Variants in PLCD1 observed in about 807,000 individuals in gnomAD.
The protein encoded by PLCD1 is phospholipase C delta 1, also known as 1-phosphatidylinositol 4,5-bisphosphate phosphodiesterase delta-1.
PLCD1 carries 71 observed loss-of-function variants against 87.4 expected under a neutral mutation model. The observed-to-expected ratio is 0.81, with a 90% CI of 0.67 to 0.99. The LOEUF is 0.99. Ranked by LOEUF, PLCD1 falls within the 50% of genes least tolerant of loss-of-function variation. PLCD1 has a pLI of 0.00. For synonymous variants in PLCD1, 348 were observed against 399.2 expected (o/e 0.87, Z 1.53); for missense variants, 867 against 1,001.5 (o/e 0.87, Z 1.81).
intron 1 of PLCD1, among the ~76,000 whole-genome samples, chr3:38,028,174 C>G (rs758427232): frequency 5.3e-5 from 8 of 152,202 alleles, no homozygotes; most frequent in Non-Finnish European, 1.2e-4. Context: ...CAGAGATGTC[C>G]ACTGTGTCCT....
Position 38,025,317 on chromosome 3 carries a change from G to A in PLCD1, c.34+4189C>T, listed in dbSNP as rs1281057903. Among the ~76,000 whole-genome samples, 1 of 152,214 alleles carries A rather than the reference G, an allele frequency of 6.6e-6. No homozygotes were observed. Among genetic ancestry groups the A allele is most frequent in the Non-Finnish European group, 1.5e-5 (1 of 68,042 alleles). ...GGCGAATTCTAACGCCACCTTTGAG[G>A]CTGGCGCAGAACCGAAGGGCTGAGT... On this transcript the variant is annotated intron_variant, in intron 1 of 14. Coordinates refer to ENST00000334661, the MANE Select transcript of PLCD1 (RefSeq NM_006225.4). This position sits in a 1 kb window ranked among gnomAD's most constrained non-coding sequence, Gnocchi z 4.0.
intron 1 of PLCD1, among the ~76,000 whole-genome samples, chr3:38,028,820 G>A (rs981806555): frequency 1.3e-5 from 2 of 152,238 alleles, no homozygotes; most frequent in Non-Finnish European, 2.9e-5. Context: ...AAAGGGCAAA[G>A]AGCTGGCTCA....
At chr3:38,020,886 A>G (rs1041647746) in intron 1 of PLCD1, among the ~76,000 whole-genome samples, 1 of 152,136 alleles carries the variant, frequency 6.6e-6, no homozygotes, top group African/African-American at 2.4e-5. Context: ...TAGCTCCAGA[A>G]TCATTTGTGC....
Position 38,007,687 on chromosome 3 carries a change from G to GC in PLCD1, c.*85dup. Reference sequence around the variant, plus strand: ...TTGGGGGCCTAGCTCTGAGCAAGAGGCTGGGAGCAGCCACACCAGCCCTGT... The same window carrying GC: ...TTGGGGGCCTAGCTCTGAGCAAGAGGCCTGGGAGCAGCCACACCAGCCCTGT... On this transcript the variant is annotated 3_prime_UTR_variant, in exon 15 of 15. Transcript: ENST00000334661. The GC allele has an allele frequency of 9.7e-7, 1 of 1,025,942 alleles. No homozygotes were observed. Among genetic ancestry groups the GC allele is most frequent in the Non-Finnish European group, 1.5e-6 (1 of 653,616 alleles). The allele number at this position is 1,025,942 out of a possible 1,614,324, so 63.6% of individuals were successfully genotyped here.
intron 3 of PLCD1, among the ~76,000 whole-genome samples, chr3:38,016,007 G>C (rs532023282): frequency 6.6e-6 from 1 of 152,242 alleles, no homozygotes; most frequent in South Asian, 2.1e-4. Flanking sequence ...GACCAAAGAG[G>C]GCTTCATGTA....
chr3:38,012,228 T>G (rs1700091636), intron 3 of PLCD1, among the ~76,000 whole-genome samples: 1 of 151,014 alleles, frequency 6.6e-6, no homozygotes, highest in African/African-American at 2.4e-5. Context: ...CAGGCTAGTC[T>G]CAAACTCCTA....
chr3:38,029,611 G>A lies in PLCD1; in HGVS notation c.-72C>T. On this transcript the variant is annotated 5_prime_UTR_variant, in exon 1 of 15. Transcript: ENST00000334661. ...GTAGCGACAGCACCGGCGGCCTGGG[G>A]TCCGAGCGGAGTGCGGTGCAGGGAC... 6.9e-7 allele frequency: 1 copy of A among 1,451,876 alleles called. No homozygotes were observed. Among genetic ancestry groups the A allele is most frequent in the Non-Finnish European group, 9.3e-7 (1 of 1,073,110 alleles). The allele number at this position is 1,451,876 out of a possible 1,614,324, so 89.9% of individuals were successfully genotyped here.
rs1488734625 is a variant in PLCD1 at position 38,016,555 on chromosome 3, C to T, written c.364G>A (p.Val122Met). 1.2e-6 allele frequency: 2 copies of T among 1,614,056 alleles called. No homozygotes were observed. Among genetic ancestry groups the T allele is most frequent in the Admixed American group, 1.7e-5 (1 of 60,014 alleles). Residue 122 changes from valine (V) to methionine (M), a missense_variant, in exon 3 of 15, where the codon GTG becomes ATG. Transcript: ENST00000334661. ...APSPADAQHW[V>M]LGLHKIIHHS... ...TGGATGATCTTGTGCAGCCCCAGCA[C>T]CCAGTGCTGGGCATCAGCTGGCGAT...
Position 38,009,977 on chromosome 3 carries a change from A to G in PLCD1, c.1214T>C (p.Leu405Pro). 6.2e-7 allele frequency: 1 copy of G among 1,613,936 alleles called. No individual in the cohort carries two copies. Among genetic ancestry groups the G allele is most frequent in the East Asian group, 2.2e-5 (1 of 44,880 alleles). The change falls in exon 8 of 15, where the codon CTG becomes CCG. Residue 405 changes from leucine (L) to proline (P), a missense_variant. Leu to Pro is a moderately conservative substitution (Grantham distance 98). Transcript: ENST00000334661. ...CAGCATGGGGCCCAGGATGGCATGC[A>G]GGTGCCGCGCCATCACGCGCTGCTG... ...LEQQRVMARH[L>P]HAILGPMLLN...
intron 10 of PLCD1, 42 bp downstream of exon 10, chr3:38,009,230 C>G: frequency 2.5e-6 from 4 of 1,613,640 alleles, no homozygotes; most frequent in Non-Finnish European, 3.4e-6. Flanking sequence ...TGCCAATTCT[C>G]TCTGTAACAG....
Position 38,020,296 on chromosome 3 carries a change from C to G in PLCD1, c.91G>C (p.Val31Leu). The G allele has an allele frequency of 6.2e-7, 1 of 1,614,094 alleles. No homozygotes were observed. The highest frequency in any genetic ancestry group is 8.5e-7 in the Non-Finnish European group (1 of 1,179,980). ...ALLKGSQLLK[V>L]KSSSWRRERF... ...TCTCTCCTCCATGAGCTGGACTTCA[C>G]CTTCAGGAGCTGGCTGCCCTTCAGC... The change falls in exon 2 of 15, where the codon GTG becomes CTG. Residue 31 changes from valine to leucine, a missense_variant. Physicochemically the swap from Val to Leu is conservative, Grantham distance 32. Transcript: ENST00000334661.
intron 1 of PLCD1, among the ~76,000 whole-genome samples, chr3:38,027,287 A>G (rs1390361492): frequency 6.6e-6 from 1 of 152,186 alleles, no homozygotes; most frequent in Non-Finnish European, 1.5e-5. Flanking sequence ...CTCATAGGGC[A>G]TAGAAATTTG....
At chr3:38,012,121 A>G (rs1700089390) in intron 3 of PLCD1, among the ~76,000 whole-genome samples, 1 of 144,112 alleles carries the variant, frequency 6.9e-6, no homozygotes, top group African/African-American at 2.6e-5. Context: ...TAGACCTCTC[A>G]GGCTCAAGTG....
intron 3 of PLCD1, 110 bp downstream of exon 3, chr3:38,016,381 T>C: frequency 1.3e-6 from 1 of 743,382 alleles, no homozygotes; most frequent in East Asian, 2.7e-5. Context: ...TGATATTTTG[T>C]TATGGCAGCC....
rs373995216 is a variant in PLCD1 at position 38,008,797 on chromosome 3, A to G, written c.1724-161T>C. 4.8e-5 allele frequency: 34 copies of G among 711,136 alleles called. No individual in the cohort carries two copies. In the Middle Eastern group the frequency reaches 3.1e-3, roughly 64 times the overall value. 44.1% of individuals were successfully genotyped at this position (711,136 alleles called of 1,614,324 possible). On this transcript the variant is annotated intron_variant, in intron 11 of 14. Transcript: ENST00000334661. The stretch of plus-strand genomic sequence containing the variant: ...CTCCTGCCACCCTCAGTGACCCACC[A>G]TGCTAACCACACCTTCCATTCCTGG...
intron 3 of PLCD1, among the ~76,000 whole-genome samples, chr3:38,012,539 C>T (rs1316894631): frequency 1.1e-4 from 16 of 140,860 alleles, no homozygotes; most frequent in Middle Eastern, 3.8e-3. Context: ...TTTTTGGAGA[C>T]GGAGTCTTGC....
chr3:38,007,709 CT>C lies in PLCD1; in HGVS notation c.*63del, dbSNP rs1186101312. On this transcript the variant is annotated 3_prime_UTR_variant, in exon 15 of 15. Transcript: ENST00000334661. ...GAGGCTGGGAGCAGCCACACCAGCC[CT>C]GTCCCCACATGTGGACAGAGGGCCC... 2.4e-6 allele frequency: 3 copies of C among 1,254,400 alleles called. No homozygotes were observed. The African/African-American group carries it at 4.4e-5, about 18-fold the overall frequency. The allele number at this position is 1,254,400 out of a possible 1,614,324, so 77.7% of individuals were successfully genotyped here. A position where few individuals can be genotyped will look rare whatever the true frequency, so the allele number is the denominator to read the frequency against.
At chr3:38,028,376 G>A (rs368482762) in intron 1 of PLCD1, among the ~76,000 whole-genome samples, 1 of 152,346 alleles carries the variant, frequency 6.6e-6, no homozygotes, top group East Asian at 1.9e-4. Flanking sequence ...CTCTGGGCCA[G>A]GAGGACCAGG....
In PLCD1 at chr3:38,009,072, C is replaced by T. The variant is rs777977789; in HGVS notation, c.1693G>A (p.Val565Met). The T allele has an allele frequency of 1.1e-5, 17 of 1,613,442 alleles. No individual in the cohort carries two copies. Among genetic ancestry groups the T allele is most frequent in the East Asian group, 4.5e-5 (2 of 44,890 alleles). Residue 565 changes from valine to methionine, a missense_variant, in exon 11 of 15, where the codon GTG becomes ATG. Val to Met is a conservative substitution (Grantham distance 21). Transcript: ENST00000334661. Reference protein sequence around the residue: ...WRTDSSNYSPVEMWNGGCQIV... With the variant: ...WRTDSSNYSPMEMWNGGCQIV... ...TGGCAGCCCCCATTCCACATCTCCACGGGGCTGTAGTTGGAGGAGTCTGTT... is the reference window on the plus strand; with the variant it reads ...TGGCAGCCCCCATTCCACATCTCCATGGGGCTGTAGTTGGAGGAGTCTGTT...
Sources: allele counts gnomAD v4.1 joint callset (sites outside exome capture counted in the v4.1 genomes callset), GRCh38; gene constraint gnomAD v4.1.1; non-coding constraint Gnocchi (gnomAD v3.1); transcripts MANE v1.5; gene names NCBI Gene and HGNC (gene_info 2026-07-23, HGNC 2026-07-21).